Variants in PEX5L observed in about 807,000 individuals in gnomAD.
PEX5L encodes PEX5-related protein.
Under a neutral mutation model 84.0 loss-of-function variants are expected in PEX5L, and 30 were observed. That is an observed-to-expected ratio of 0.36 (90% CI 0.27 to 0.48). The LOEUF (loss-of-function observed/expected upper bound fraction) is 0.48, where lower values mean the gene tolerates loss of function less well. Ranked by LOEUF, PEX5L falls within the 20% of genes least tolerant of loss-of-function variation. The pLI is 0.99. For missense variants in PEX5L, 533 were observed against 754.6 expected (o/e 0.71, Z 3.44); for synonymous variants, 270 against 283.1 (o/e 0.95, Z 0.46).
intron 1 of PEX5L, among the ~76,000 whole-genome samples, chr3:180,011,975 A>C (rs1234007071): frequency 6.6e-6 from 1 of 152,220 alleles, no homozygotes; most frequent in Admixed American, 6.5e-5. Context: ...TCAGTATCCA[A>C]CTTGGCAGCT....
chr3:179,945,729 T>C (rs966117449), intron 2 of PEX5L, among the ~76,000 whole-genome samples: 2 of 152,232 alleles, frequency 1.3e-5, no homozygotes, highest in African/African-American at 4.8e-5. Context: ...CTCTGTCCTC[T>C]TGGCGTGGAG....
At chr3:179,873,303 A>G (rs1751002631) in intron 7 of PEX5L, among the ~76,000 whole-genome samples, 1 of 152,148 alleles carries the variant, frequency 6.6e-6, no homozygotes, top group Non-Finnish European at 1.5e-5. Context: ...TATTATAATT[A>G]TTTGTTTATT....
chr3:180,024,877 G>T (rs1256814121), intron 1 of PEX5L, among the ~76,000 whole-genome samples: 1 of 152,142 alleles, frequency 6.6e-6, no homozygotes, highest in African/African-American at 2.4e-5. Flanking sequence ...TATCAAAATT[G>T]TTGTTGACAA....
intron 1 of PEX5L, among the ~76,000 whole-genome samples, chr3:179,982,519 G>C (rs1217212702): frequency 6.6e-6 from 1 of 152,090 alleles, no homozygotes; most frequent in Non-Finnish European, 1.5e-5. Flanking sequence ...ATTTTACAGA[G>C]ACAATGGGAA....
chr3:179,901,814 T>C (rs568578234), intron 2 of PEX5L: 1 of 152,360 alleles, frequency 6.6e-6, no homozygotes, highest in African/African-American at 2.4e-5. Context: ...TTTATTAGGT[T>C]CTATTATAAG....
intron 2 of PEX5L, among the ~76,000 whole-genome samples, chr3:179,918,881 C>T (rs1194190443): frequency 6.6e-6 from 1 of 152,140 alleles, no homozygotes; most frequent in Non-Finnish European, 1.5e-5. Context: ...CATCCACAGA[C>T]AGCAGAGAAT....
intron 1 of PEX5L, among the ~76,000 whole-genome samples, chr3:179,998,210 C>A (rs1417042278): frequency 6.6e-6 from 1 of 152,198 alleles, no homozygotes; most frequent in African/African-American, 2.4e-5. Flanking sequence ...TTGGCCCCTC[C>A]TACAACCAAG....
chr3:179,973,039 C>T (rs1475578990), intron 1 of PEX5L: 2 of 415,344 alleles, frequency 4.8e-6, no homozygotes, highest in Non-Finnish European at 7.5e-6. Flanking sequence ...AGCTGACTTC[C>T]TTCCTATCAT....
At chr3:179,974,727 T>C (rs751709062) in intron 1 of PEX5L, among the ~76,000 whole-genome samples, 6 of 152,186 alleles carry the variant, frequency 3.9e-5, no homozygotes, top group African/African-American at 7.2e-5. Flanking sequence ...ATTAGATGGG[T>C]AACTTTCTTA....
intron 2 of PEX5L, among the ~76,000 whole-genome samples, chr3:179,944,712 A>C (rs6764598): frequency 6.6e-5 from 10 of 152,044 alleles, no homozygotes; most frequent in Admixed American, 6.5e-5. Flanking sequence ...TGCCCATTTT[A>C]AGGCCGTTTT....
At chr3:179,980,667 G>A (rs1786241495) in intron 1 of PEX5L, among the ~76,000 whole-genome samples, 1 of 152,108 alleles carries the variant, frequency 6.6e-6, no homozygotes, top group Non-Finnish European at 1.5e-5. Context: ...TGAGCTACAA[G>A]ATATGTAGGA....
chr3:179,841,932 T>C (rs1737471058), intron 8 of PEX5L, among the ~76,000 whole-genome samples: 1 of 152,212 alleles, frequency 6.6e-6, no homozygotes, highest in African/African-American at 2.4e-5. Flanking sequence ...CTGGTATAGA[T>C]GAGATAAATA....
intron 5 of PEX5L, 50 bp from the exon 6 acceptor site, chr3:179,875,527 A>AG: frequency 1.3e-6 from 1 of 761,038 alleles, no homozygotes; most frequent in Non-Finnish European, 2.1e-6. Flanking sequence ...AGGGCGGGGT[A>AG]GGGGGAGCGG....
chr3:179,824,512 C>A (rs2109014347), intron 8 of PEX5L, among the ~76,000 whole-genome samples: 1 of 152,094 alleles, frequency 6.6e-6, no homozygotes, highest in East Asian at 1.9e-4. Flanking sequence ...TTGAGACCGG[C>A]CTGACCAACA....
At chr3:179,884,025 T>C (rs1172810313) in intron 4 of PEX5L, among the ~76,000 whole-genome samples, 2 of 152,204 alleles carry the variant, frequency 1.3e-5, no homozygotes, top group Non-Finnish European at 2.9e-5. Context: ...TACAATATGG[T>C]AAGTGCTTAT....
chr3:179,853,585 A>G (rs967394125), intron 8 of PEX5L, among the ~76,000 whole-genome samples: 1 of 152,178 alleles, frequency 6.6e-6, no homozygotes, highest in Non-Finnish European at 1.5e-5. Flanking sequence ...CCTAGTGGAC[A>G]GTGCATTTAG....
At chr3:179,913,394 A>G (rs1765865452) in intron 2 of PEX5L, among the ~76,000 whole-genome samples, 1 of 152,148 alleles carries the variant, frequency 6.6e-6, no homozygotes, top group South Asian at 2.1e-4. Context: ...TTTATAATAA[A>G]CTTCTTTAAA....
Position 179,809,498 on chromosome 3 carries a change from C to T in PEX5L, c.1325G>A (p.Arg442Gln), listed in dbSNP as rs1273222797. 1.4e-5 allele frequency: 23 copies of T among 1,613,854 alleles called. No homozygotes were observed. The highest frequency in any genetic ancestry group is 1.2e-4 in the Admixed American group (7 of 59,982). ...ATCAACTGGGGACTTAGACATCCGC[C>T]GGGTGAGGCCTGGAGATCCCTTCTT... is the stretch of plus-strand genomic sequence containing the variant. ...KSKKGSPGLT[R>Q]RMSKSPVDSS... Residue 442 changes from arginine to glutamine, a missense_variant, in exon 12 of 15, where the codon CGG becomes CAG. By Grantham distance (43) the Arg-to-Gln change is conservative. This residue lies in a region of PEX5L where 63 missense variants were observed against 60.2 expected (regional missense o/e 1.05). Transcript: ENST00000467460.
intron 8 of PEX5L, among the ~76,000 whole-genome samples, chr3:179,840,274 C>T (rs368081212): frequency 6.8e-6 from 1 of 147,082 alleles, no homozygotes; most frequent in Non-Finnish European, 1.5e-5. Context: ...CCGCAATCTC[C>T]GTCTCCCAGG....
Sources: allele counts gnomAD v4.1 joint callset (sites outside exome capture counted in the v4.1 genomes callset), GRCh38; gene constraint gnomAD v4.1.1; regional missense constraint gnomAD v4.1.1; transcripts MANE v1.5; gene names NCBI Gene and HGNC (gene_info 2026-07-23, HGNC 2026-07-21).